Variants in NEB observed in about 807,000 individuals in gnomAD.
NEB encodes the protein nebulin.
NEB carries 512 observed loss-of-function variants against 952.2 expected under a neutral mutation model. The observed-to-expected ratio is 0.54, with a 90% CI of 0.50 to 0.58. NEB has a LOEUF of 0.58. Ranked by LOEUF, NEB falls within the 20% of genes least tolerant of loss-of-function variation. The pLI, the probability that NEB is intolerant of heterozygous loss-of-function variation, is 0.00. For synonymous variants in NEB, 2,900 were observed against 3,149.8 expected (o/e 0.92, Z 2.66); for missense variants, 8,428 against 9,231.1 (o/e 0.91, Z 3.56).
At chr2:151,546,047 G>T in intron 134 of NEB, 49 bp from the exon 135 acceptor site, 1 of 1,154,980 alleles carries the variant, frequency 8.7e-7, no homozygotes, top group Non-Finnish European at 1.2e-6. Flanking sequence ...AATCATTTAA[G>T]GGATTCATGT....
At chr2:151,722,412 G>A (rs1175580518) in intron 9 of NEB, among the ~76,000 whole-genome samples, 11 of 152,144 alleles carry the variant, frequency 7.2e-5, no homozygotes, top group Admixed American at 7.2e-4. Flanking sequence ...TCAAGGTCTA[G>A]GATACCAAAA....
chr2:151,628,752 C>G (rs2098591939), intron 68 of NEB, among the ~76,000 whole-genome samples: 1 of 152,082 alleles, frequency 6.6e-6, no homozygotes, highest in African/African-American at 2.4e-5. Context: ...ATCCCAGTTA[C>G]TTGGGAGGCT....
chr2:151,504,687 C>T (rs1338506463), intron 165 of NEB, among the ~76,000 whole-genome samples: 1 of 152,208 alleles, frequency 6.6e-6, no homozygotes, highest in African/African-American at 2.4e-5. Context: ...CCAAACTTCA[C>T]ATAGTCTTTT....
rs1194985114 is a variant in NEB, at chr2:151,710,301, C to T, written c.927+133G>A. ...AATTTCTTTCTTAAAAGGAACTCTG[C>T]ACCAGGTCTTGCCCCAAGAAGAGGG... is the stretch of plus-strand genomic sequence containing the variant. On this transcript the variant is annotated intron_variant, in intron 11 of 181. Coordinates refer to ENST00000397345, the MANE Select transcript of NEB (RefSeq NM_001164508.2). The T allele has an allele frequency of 2.0e-5, 10 of 505,438 alleles. No homozygotes were observed. The East Asian group carries it at 2.7e-4, about 14-fold the overall frequency. 31.3% of individuals were successfully genotyped at this position (505,438 alleles called of 1,614,324 possible).
At chr2:151,517,364 G>A (rs2078330393) in intron 156 of NEB, among the ~76,000 whole-genome samples, 1 of 152,134 alleles carries the variant, frequency 6.6e-6, no homozygotes, top group African/African-American at 2.4e-5. Flanking sequence ...AAAGGCCTGG[G>A]GGCACATACT....
Position 151,727,882 on chromosome 2 carries a change from T to C in NEB, c.103A>G (p.Thr35Ala). 1.2e-6 allele frequency: 2 copies of C among 1,613,468 alleles called. No individual in the cohort carries two copies. Among genetic ancestry groups the C allele is most frequent in the Non-Finnish European group, 1.7e-6 (2 of 1,179,654 alleles). Reference protein sequence around the residue: ...GETITKIYETTTTRTSDYEQS... With the variant: ...GETITKIYETATTRTSDYEQS... ...TCATAGTCAGATGTCCTTGTTGTCGTAGTCTCATAAATTTTTGTTATTGTC... is the reference window on the plus strand; with the variant it reads ...TCATAGTCAGATGTCCTTGTTGTCGCAGTCTCATAAATTTTTGTTATTGTC... The change falls in exon 5 of 182, where the codon ACG becomes GCG. Residue 35 changes from threonine (T) to alanine (A), a missense_variant. Physicochemically the swap from Thr to Ala is moderately conservative, Grantham distance 58. Transcript: ENST00000397345.
intron 10 of NEB, chr2:151,716,005 A>G (rs947772450): frequency 2.7e-5 from 7 of 262,918 alleles, no homozygotes; most frequent in Non-Finnish European, 3.1e-5. Context: ...ATAGACTTTA[A>G]ATAAACATTT....
chr2:151,629,423 AT>A, intron 68 of NEB, 115 bp downstream of exon 68: 1 of 892,474 alleles, frequency 1.1e-6, no homozygotes. Context: ...TTTGAATTTG[AT>A]TTAGAAAAAC....
In NEB at chr2:151,663,544, G is replaced by A. The variant is rs78916288; in HGVS notation, c.5763+4C>T. The stretch of plus-strand genomic sequence containing the variant: ...AACGCTCTGCAAATGTGGTTTTCAC[G>A]TACATCACTTTGAATCTGCATCATA... On this transcript the variant is annotated splice_donor_region_variant and intron_variant, in intron 45 of 181. Coordinates refer to ENST00000397345, the MANE Select transcript of NEB (RefSeq NM_001164508.2). 2.0e-3 allele frequency: 3,276 copies of A among 1,602,128 alleles called. 60 individuals carry two copies. The African/African-American group carries it at 0.034, about 17-fold the overall frequency.
intron 107 of NEB, among the ~76,000 whole-genome samples, chr2:151,572,843 C>T (rs1288141113): frequency 3.3e-5 from 5 of 149,316 alleles, no homozygotes; most frequent in Non-Finnish European, 7.4e-5. Flanking sequence ...AGCCACCATG[C>T]CCAGCCAAGT....
intron 135 of NEB, among the ~76,000 whole-genome samples, chr2:151,543,636 C>A (rs897512575): frequency 6.6e-6 from 1 of 152,022 alleles, no homozygotes; most frequent in Non-Finnish European, 1.5e-5. Context: ...CAATTTTTTT[C>A]TTATTTTTAA....
intron 78 of NEB, 71 bp downstream of exon 78, chr2:151,612,115 G>A: frequency 6.7e-7 from 1 of 1,501,748 alleles, no homozygotes; most frequent in Non-Finnish European, 9.2e-7. Flanking sequence ...AATCCTTAGG[G>A]AATTTCCTAC....
At chr2:151,503,000 T>G (rs1481193022) in intron 166 of NEB, 115 bp from the exon 167 acceptor site, 2 of 648,284 alleles carry the variant, frequency 3.1e-6, no homozygotes, top group Non-Finnish European at 5.4e-6. Context: ...GTAAGTAATA[T>G]TTAGTAAGGA....
intron 68 of NEB, among the ~76,000 whole-genome samples, chr2:151,629,311 T>C (rs2098606391): frequency 6.6e-6 from 1 of 152,216 alleles, no homozygotes. Flanking sequence ...TTATACTGCA[T>C]TGAAGTATAC....
intron 173 of NEB, 110 bp from the exon 174 acceptor site, chr2:151,494,363 T>G (rs1449963170): frequency 1.4e-6 from 1 of 737,582 alleles, no homozygotes; most frequent in Admixed American, 2.7e-5. Context: ...CCAAACCATT[T>G]GGGCAATTAG....
At position 151,702,251 on chromosome 2, in the gene NEB, TC is replaced by T. The variant is rs1198473028; in HGVS notation, c.1153-4604del. On this transcript the variant is annotated intron_variant, in intron 13 of 181. Coordinates refer to ENST00000397345, the MANE Select transcript of NEB (RefSeq NM_001164508.2). ...AAAGATAGTTTGTTATAATGTCTGT[TC>T]TTTTACATTTGCTGAGGAGAGCTTT... Among the ~76,000 whole-genome samples, 491 of 152,138 alleles carry T rather than the reference TC, an allele frequency of 3.2e-3. 1 individual carries two copies. The highest frequency in any genetic ancestry group is 0.01 in the African/African-American group (435 of 41,518).
At chr2:151,569,530 C>T (rs961469524) in intron 109 of NEB, among the ~76,000 whole-genome samples, 158 bp from the exon 110 acceptor site, 4 of 152,042 alleles carry the variant, frequency 2.6e-5, no homozygotes, top group East Asian at 1.9e-4. Flanking sequence ...ATTAATTAGG[C>T]GGCCAGGCAG....
chr2:151,517,396 C>T (rs754993589), intron 156 of NEB, among the ~76,000 whole-genome samples: 78 of 152,170 alleles, frequency 5.1e-4, no homozygotes, highest in Non-Finnish European at 9.8e-4. Context: ...GACACGAGGA[C>T]GTTTCTAATA....
At chr2:151,728,779 T>C (rs2099798024) in intron 4 of NEB, among the ~76,000 whole-genome samples, 1 of 152,206 alleles carries the variant, frequency 6.6e-6, no homozygotes, top group African/African-American at 2.4e-5. Flanking sequence ...TACCAAAGAA[T>C]TCTAGCATCA....
Sources: allele counts gnomAD v4.1 joint callset (sites outside exome capture counted in the v4.1 genomes callset), GRCh38; gene constraint gnomAD v4.1.1; transcripts MANE v1.5; gene names NCBI Gene and HGNC (gene_info 2026-07-23, HGNC 2026-07-21).